Variants in NTM observed in about 807,000 individuals in gnomAD.
The protein encoded by NTM is IgLON family member 2.
Under a neutral mutation model 42.1 loss-of-function variants are expected in NTM, and 13 were observed. The observed-to-expected ratio is 0.31, with a 90% CI of 0.20 to 0.49. The LOEUF (loss-of-function observed/expected upper bound fraction) is 0.49. Among genes scored for constraint, NTM ranks in the 20% least tolerant of loss-of-function variants. The pLI, the probability that NTM is intolerant of heterozygous loss-of-function variation, is 0.99. For missense variants in NTM, 373 were observed against 452.8 expected (o/e 0.82, Z 1.60); for synonymous variants, 187 against 179.2 (o/e 1.04, Z -0.35).
At chr11:131,548,949 G>A (rs1057435405) in intron 1 of NTM, among the ~76,000 whole-genome samples, 3 of 152,134 alleles carry the variant, frequency 2.0e-5, no homozygotes, top group African/African-American at 7.2e-5. Flanking sequence ...AAACCTGGGG[G>A]TCCTGGGAGG....
intron 2 of NTM, among the ~76,000 whole-genome samples, chr11:131,973,609 G>A (rs1462876942): frequency 1.3e-5 from 2 of 152,208 alleles, no homozygotes; most frequent in Non-Finnish European, 2.9e-5. Context: ...CTGAGGTCAG[G>A]AGTTCGAGAC....
intron 2 of NTM, among the ~76,000 whole-genome samples, chr11:132,041,807 G>T (rs568107339): frequency 6.6e-6 from 1 of 152,118 alleles, no homozygotes; most frequent in Admixed American, 6.5e-5. Flanking sequence ...ACGTTTACTA[G>T]CAGTGTGACT....
chr11:131,512,988 C>G (rs1379879888), intron 1 of NTM, among the ~76,000 whole-genome samples: 1 of 152,174 alleles, frequency 6.6e-6, no homozygotes, highest in Non-Finnish European at 1.5e-5. Context: ...GACATTTCCT[C>G]TTGTTCTTCC....
chr11:131,439,319 GA>G (rs1222433038), intron 1 of NTM, among the ~76,000 whole-genome samples: 1 of 152,186 alleles, frequency 6.6e-6, no homozygotes, highest in Admixed American at 6.5e-5. Context: ...ACCATGCTGG[GA>G]GAACCACTGC....
At chr11:132,175,309 C>A (rs1200589407) in intron 3 of NTM, among the ~76,000 whole-genome samples, 4 of 152,078 alleles carry the variant, frequency 2.6e-5, no homozygotes, top group Non-Finnish European at 5.9e-5. Flanking sequence ...CCTCATGGTC[C>A]ACCCACACCA....
chr11:132,274,809 G>A (rs954542689), intron 4 of NTM, among the ~76,000 whole-genome samples: 9 of 152,082 alleles, frequency 5.9e-5, no homozygotes, highest in Non-Finnish European at 1.3e-4. Context: ...ATTTTAGCCA[G>A]TCCAGTGAGT....
intron 2 of NTM, among the ~76,000 whole-genome samples, chr11:131,934,148 C>A (rs2058957352): frequency 6.6e-6 from 1 of 152,238 alleles, no homozygotes; most frequent in Admixed American, 6.5e-5. Context: ...TTTTAAGAAG[C>A]AAGAACACAA....
intron 1 of NTM, among the ~76,000 whole-genome samples, chr11:131,718,815 C>T (rs1025077152): frequency 6.6e-6 from 1 of 152,168 alleles, no homozygotes; most frequent in Non-Finnish European, 1.5e-5. Context: ...CCTCTCCCTG[C>T]ACCACTCCTG....
chr11:131,493,015 C>T (rs145211676), intron 1 of NTM, among the ~76,000 whole-genome samples: 2 of 152,012 alleles, frequency 1.3e-5, no homozygotes, highest in East Asian at 3.9e-4. Flanking sequence ...CCCAGAAGCT[C>T]AAGACCAGCC....
At chr11:131,635,249 A>G (rs1053362449) in intron 1 of NTM, among the ~76,000 whole-genome samples, 3 of 152,176 alleles carry the variant, frequency 2.0e-5, no homozygotes, top group African/African-American at 4.8e-5. Context: ...GTCCTTCAGG[A>G]GGGATTCCAG....
chr11:131,820,985 A>G (rs1021280363), intron 1 of NTM, among the ~76,000 whole-genome samples: 2 of 151,292 alleles, frequency 1.3e-5, no homozygotes, highest in African/African-American at 4.9e-5. Flanking sequence ...AGGATTGCTC[A>G]TCTTCAACTC....
In NTM at chr11:132,265,712, G is replaced by A. The variant is rs149279320; in HGVS notation, c.527-41977G>A. ...GTGATGGTGATGATGACACCAACCC[G>A]TGGCATGCAGTCGTTGTGCATCAGG... On this transcript the variant is annotated intron_variant, in intron 4 of 8. Coordinates refer to ENST00000683400, the MANE Select transcript of NTM (RefSeq NM_001352005.2). Among the ~76,000 whole-genome samples the A allele has an allele frequency of 3.0e-4, 45 of 152,314 alleles. 1 individual carries two copies. Among genetic ancestry groups the A allele is most frequent in the East Asian group, 2.3e-3 (12 of 5,192 alleles).
chr11:131,884,382 C>T (rs2050032555), intron 1 of NTM, among the ~76,000 whole-genome samples: 1 of 151,826 alleles, frequency 6.6e-6, no homozygotes, highest in Non-Finnish European at 1.5e-5. Flanking sequence ...GCACTCCAGC[C>T]TGAGCAACAA....
chr11:131,575,046 G>T (rs1286267047), intron 1 of NTM, among the ~76,000 whole-genome samples: 1 of 152,138 alleles, frequency 6.6e-6, no homozygotes, highest in South Asian at 2.1e-4. Context: ...CTATTCAGCA[G>T]GAATTCTCAA....
chr11:132,174,063 A>G (rs2076460000), intron 3 of NTM, among the ~76,000 whole-genome samples: 1 of 152,166 alleles, frequency 6.6e-6, no homozygotes, highest in African/African-American at 2.4e-5. Context: ...GGCTGCCTTC[A>G]ACGGAGGGAA....
At chr11:132,316,922 G>GGAAAGCAGCATGTACT (rs2095443513) in intron 7 of NTM, among the ~76,000 whole-genome samples, 1 of 152,156 alleles carries the variant, frequency 6.6e-6, no homozygotes, top group Non-Finnish European at 1.5e-5. Flanking sequence ...GGGGCAGGTT[G>GGAAAGCAGCATGTACT]GAAAGCAGCA....
intron 4 of NTM, among the ~76,000 whole-genome samples, chr11:132,238,546 A>G (rs1365656402): frequency 1.5e-5 from 1 of 65,096 alleles, no homozygotes; most frequent in Middle Eastern, 9.4e-3. Context: ...GAACTAGACA[A>G]TGAGATTGTC....
At chr11:131,657,570 C>T (rs970266172) in intron 1 of NTM, among the ~76,000 whole-genome samples, 14 of 152,138 alleles carry the variant, frequency 9.2e-5, no homozygotes, top group African/African-American at 3.4e-4. Context: ...CTCAGAACAC[C>T]CCATGCCTAC....
rs762638331 is a variant in NTM at position 131,556,662 on chromosome 11, G to A, written c.82+185774G>A. Reference sequence around the variant, plus strand: ...GGCTCATTGAAACCTTCGCCTCCCAGGTTTAAGTGATTCTTCTGCCTCAGC... The same window carrying A: ...GGCTCATTGAAACCTTCGCCTCCCAAGTTTAAGTGATTCTTCTGCCTCAGC... On this transcript the variant is annotated intron_variant, in intron 1 of 8. Coordinates refer to ENST00000683400, the MANE Select transcript of NTM (RefSeq NM_001352005.2). Among the ~76,000 whole-genome samples, 17 of 151,208 alleles carry A rather than the reference G, an allele frequency of 1.1e-4. No individual in the cohort carries two copies. In the East Asian group the frequency reaches 2.3e-3, roughly 21 times the overall value.
Sources: allele counts gnomAD v4.1 joint callset (sites outside exome capture counted in the v4.1 genomes callset), GRCh38; gene constraint gnomAD v4.1.1; transcripts MANE v1.5; gene names NCBI Gene and HGNC (gene_info 2026-07-23, HGNC 2026-07-21).